PKP3: variants seen among roughly 807,000 people sequenced by gnomAD.
PKP3 encodes plakophilin 3, also known as plakophilin-3.
Under a neutral mutation model 76.5 loss-of-function variants are expected in PKP3, and 66 were observed. The ratio of observed to expected loss-of-function variants is 0.86; its 90% CI spans 0.71 to 1.06. PKP3 has a LOEUF of 1.06. Among genes scored for constraint, PKP3 ranks in the 50% least tolerant of loss-of-function variants. The pLI, the probability that PKP3 is intolerant of heterozygous loss-of-function variation, is 0.00. For synonymous variants in PKP3, 638 were observed against 516.5 expected (o/e 1.24, Z -3.19); for missense variants, 1,338 against 1,141.0 (o/e 1.17, Z -2.49).
At chr11:399,792 G>A (rs1361580940) in intron 5 of PKP3, among the ~76,000 whole-genome samples, 175 bp from the exon 6 acceptor site, 1 of 151,250 alleles carries the variant, frequency 6.6e-6, no homozygotes, top group Non-Finnish European at 1.5e-5. Flanking sequence ...CCTCTTGCTT[G>A]GTCCCAGCTC....
In PKP3 at chr11:395,407, G is replaced by T. The variant is rs572217921; in HGVS notation, c.232+883G>T. Among the ~76,000 whole-genome samples the T allele has an allele frequency of 2.6e-5, 4 of 152,344 alleles. No individual in the cohort carries two copies. In the East Asian group the frequency reaches 7.7e-4, roughly 29 times the overall value. ...TGAAGGTCGCCCAGCGGAGGGGCCG[G>T]CCCGGCGGCCTGGACTGTGGGGTCC... On this transcript the variant is annotated intron_variant, in intron 1 of 12. Coordinates refer to ENST00000331563, the MANE Select transcript of PKP3 (RefSeq NM_007183.4).
intron 4 of PKP3, 137 bp downstream of exon 4, chr11:397,799 C>A: frequency 3.7e-6 from 3 of 816,038 alleles, no homozygotes; most frequent in East Asian, 2.7e-5. Context: ...TGTCTGGAGC[C>A]CCCTCAGCAG....
chr11:397,151 G>A lies in PKP3; in HGVS notation c.650G>A (p.Arg217His), dbSNP rs374950895. The change falls in exon 3 of 13, where the codon CGC becomes CAC. Residue 217 changes from arginine (R) to histidine (H), a missense_variant. Transcript: ENST00000331563. The part of the protein sequence containing the change: ...TSTYRAFAYE[R>H]QASSSSSRAG... ...ACCTACAGGGCCTTTGCGTACGAGC[G>A]CCAGGCCAGCTCCAGCTCCAGCCGG... 5.6e-5 allele frequency: 89 copies of A among 1,597,838 alleles called. No homozygotes were observed. The African/African-American group carries it at 6.8e-4, about 12-fold the overall frequency.
Position 403,977 on chromosome 11 carries a change from G to T in PKP3, c.2112G>T (p.Leu704=). The T allele has an allele frequency of 1.2e-6, 2 of 1,607,840 alleles. No individual in the cohort carries two copies. The highest frequency in any genetic ancestry group is 1.7e-6 in the Non-Finnish European group (2 of 1,176,602). The change falls in exon 11 of 13, where the codon CTG becomes CTT. Residue 704 remains leucine, a synonymous_variant. Transcript: ENST00000331563. The part of the protein sequence containing the change: ...TKVVSHLIEK[L]PGSVGEKSPP... ...TGGTGAGCCACCTGATCGAGAAGCTGCCGGGCAGCGTGGGTGAGAAGTCGC... is the reference window on the plus strand; with the variant it reads ...TGGTGAGCCACCTGATCGAGAAGCTTCCGGGCAGCGTGGGTGAGAAGTCGC...
chr11:398,969 C>T (rs1404276842), intron 4 of PKP3, 23 bp from the exon 5 acceptor site: 1 of 1,522,948 alleles, frequency 6.6e-7, no homozygotes. Context: ...CGTCTGTGCA[C>T]CCCCATATGC....
At chr11:395,894 C>T (rs1006853597) in intron 1 of PKP3, among the ~76,000 whole-genome samples, 8 of 152,222 alleles carry the variant, frequency 5.3e-5, no homozygotes, top group South Asian at 2.1e-4. Context: ...ACCCTGTCGT[C>T]GACGGCTGTC....
chr11:398,864 C>CGTCACCTCCCTACCGCCGCACACACCTGT lies in PKP3; in HGVS notation c.1069-116_1069-115insCCGCCGCACACACCTGTGTCACCTCCCTA. 3 of 765,658 alleles carry CGTCACCTCCCTACCGCCGCACACACCTGT rather than the reference C, an allele frequency of 3.9e-6. No individual in the cohort carries two copies. In the Admixed American group the frequency reaches 7.5e-5, roughly 19 times the overall value. The allele number at this position is 765,658 out of a possible 1,614,324, so 47.4% of individuals were successfully genotyped here. On this transcript the variant is annotated intron_variant, in intron 4 of 12. Coordinates refer to ENST00000331563, the MANE Select transcript of PKP3 (RefSeq NM_007183.4). ...ACCTCCCTACCGCCGCACACACCTC[C>CGTCACCTCCCTACCGCCGCACACACCTGT]GTCACCTCCCTATACGGCTGCATCC... is the stretch of plus-strand genomic sequence containing the variant.
At chr11:399,301 GCCC>G (rs1765792640) in intron 5 of PKP3, 105 bp downstream of exon 5, 3 of 363,232 alleles carry the variant, frequency 8.3e-6, no homozygotes, top group Admixed American at 6.7e-5. Flanking sequence ...CCCACCATCT[GCCC>G]CCCTTCTCCA....
rs111918964 is a variant in PKP3, at chr11:398,043, C to T, written c.1068+381C>T. ...CACACCTGCGTCACCTCCGTACCCC[C>T]GCACACACCTGCGTCACCTCCGTAC... On this transcript the variant is annotated intron_variant, in intron 4 of 12. Transcript: ENST00000331563. Among the ~76,000 whole-genome samples, 446 of 114,810 alleles carry T rather than the reference C, an allele frequency of 3.9e-3. 6 individuals are homozygous for T. The highest frequency in any genetic ancestry group is 0.016 in the African/African-American group (426 of 26,446). The allele number at this position is 114,810 out of a possible 152,430, so 75.3% of individuals were successfully genotyped here. A position where few individuals can be genotyped will look rare whatever the true frequency, so the allele number is the denominator to read the frequency against.
At position 404,315 on chromosome 11, in the gene PKP3, T is replaced by C. The variant is rs771456016; in HGVS notation, c.2350T>C (p.Phe784Leu). The change falls in exon 12 of 13, where the codon TTC (phenylalanine) becomes CTC (leucine). Residue 784 changes from phenylalanine to leucine, a missense_variant. Phe to Leu is a conservative substitution (Grantham distance 22). Coordinates refer to ENST00000331563, the MANE Select transcript of PKP3 (RefSeq NM_007183.4). The surrounding 1 kb of genome is among the most constrained non-coding windows in gnomAD (Gnocchi z 4.2). ...GCAGTACAACAAGCTCCACCGTGAC[T>C]TCCGGGCGGTACGTTTCCCGAGCCC... ...LWQYNKLHRDFRAKGYRKEDF... is the reference protein window; with the variant it reads ...LWQYNKLHRDLRAKGYRKEDF... 4.3e-6 allele frequency: 7 copies of C among 1,612,296 alleles called. No individual in the cohort carries two copies. In the South Asian group the frequency reaches 4.4e-5, roughly 10 times the overall value.
intron 4 of PKP3, among the ~76,000 whole-genome samples, chr11:398,778 G>A (rs1282183818): frequency 3.0e-5 from 3 of 100,930 alleles, no homozygotes; most frequent in African/African-American, 4.5e-5. Context: ...ACACACCTCC[G>A]TCACCTCCGT....
At position 397,103 on chromosome 11, in the gene PKP3, A is replaced by T. The variant is rs1847059753; in HGVS notation, c.602A>T (p.Gln201Leu). The T allele has an allele frequency of 5.6e-6, 9 of 1,597,886 alleles. No homozygotes were observed. Among genetic ancestry groups the T allele is most frequent in the Non-Finnish European group, 6.8e-6 (8 of 1,179,256 alleles). Residue 201 changes from glutamine to leucine, a missense_variant, in exon 3 of 13, where the codon CAG becomes CTG. Transcript: ENST00000331563. ...LDDRYSLVSE[Q>L]LEPAATSTYR... is the part of the protein sequence containing the mutation. ...GACCGCTACAGCCTGGTGTCTGAGC[A>T]GCTGGAGCCCGCGGCCACCTCCACC...
rs764034295 is a variant in PKP3 at position 404,258 on chromosome 11, C to T, written c.2293C>T (p.Arg765Trp). 19 of 1,612,494 alleles carry T rather than the reference C, an allele frequency of 1.2e-5. No individual in the cohort carries two copies. Among genetic ancestry groups the T allele is most frequent in the Admixed American group, 5.0e-5 (3 of 59,992 alleles). The part of the protein sequence containing the change: ...RDSPDSEKSS[R>W]AASSLLANLW... ...CAGCCCCGACAGTGAGAAGTCCTCC[C>T]GGGCAGCATCCAGCCTCCTGGCCAA... Residue 765 changes from arginine (R) to tryptophan (W), a missense_variant, in exon 12 of 13, where the codon CGG (arginine) becomes TGG (tryptophan). Arg to Trp is a moderately radical substitution (Grantham distance 101). Transcript: ENST00000331563. This position sits in a 1 kb window ranked among gnomAD's most constrained non-coding sequence, Gnocchi z 4.2.
chr11:397,671 C>G lies in PKP3; in HGVS notation c.1068+9C>G. The G allele has an allele frequency of 6.2e-7, 1 of 1,608,746 alleles. No homozygotes were observed. The highest frequency in any genetic ancestry group is 8.5e-7 in the Non-Finnish European group (1 of 1,177,496). The stretch of plus-strand genomic sequence containing the variant: ...CAGCCGCCAAGAAGCAGGTGACCAC[C>G]CCGACCACCCACTCGCTGCCCCCTG... On this transcript the variant is annotated intron_variant, in intron 4 of 12. Transcript: ENST00000331563.
At position 400,153 on chromosome 11, in the gene PKP3, TCGGGCA is replaced by T; in HGVS notation, c.1448+13_1448+18del. On this transcript the variant is annotated intron_variant, in intron 6 of 12. Transcript: ENST00000331563. ...ACCGGCTTCCTCAGGTGCGCCAGCC[TCGGGCA>T]GCGGGGTGGGGATTGCAGGCGCGGG... is the stretch of plus-strand genomic sequence containing the variant. The T allele has an allele frequency of 6.5e-7, 1 of 1,532,666 alleles. No homozygotes were observed. Among genetic ancestry groups the T allele is most frequent in the Non-Finnish European group, 8.7e-7 (1 of 1,143,110 alleles). The allele number at this position is 1,532,666 out of a possible 1,614,324, so 94.9% of individuals were successfully genotyped here.
intron 1 of PKP3, among the ~76,000 whole-genome samples, chr11:394,785 G>A (rs1001518770): frequency 1.3e-5 from 2 of 152,224 alleles, no homozygotes; most frequent in African/African-American, 4.8e-5. Flanking sequence ...CATCCCTGTG[G>A]GGGATGACAG....
In PKP3 at chr11:404,565, C is replaced by T. The variant is rs752984078; in HGVS notation, c.2390C>T (p.Pro797Leu). 1.9e-6 allele frequency: 3 copies of T among 1,612,464 alleles called. No homozygotes were observed. The highest frequency in any genetic ancestry group is 1.7e-5 in the Admixed American group (1 of 60,016). The change falls in exon 13 of 13, where the codon CCA becomes CTA. Residue 797 changes from proline to leucine, a missense_variant. Pro to Leu is a moderately conservative substitution (Grantham distance 98). Coordinates refer to ENST00000331563, the MANE Select transcript of PKP3 (RefSeq NM_007183.4). The surrounding 1 kb of genome is among the most constrained non-coding windows in gnomAD (Gnocchi z 4.2). ...TATCGGAAGGAGGACTTCCTGGGCC[C>T]ATAGGTGAAGCCTTCTGGAGGAGAA... ...KGYRKEDFLG[P>L]
intron 1 of PKP3, among the ~76,000 whole-genome samples, chr11:395,228 C>T (rs914024716): frequency 2.0e-5 from 3 of 152,180 alleles, no homozygotes; most frequent in African/African-American, 7.2e-5. Flanking sequence ...AACGCCATTT[C>T]CTCCTTCCCA....
At position 403,244 on chromosome 11, in the gene PKP3, T is replaced by C; in HGVS notation, c.1904T>C (p.Ile635Thr). 6.3e-7 allele frequency: 1 copy of C among 1,582,260 alleles called. No homozygotes were observed. The highest frequency in any genetic ancestry group is 8.6e-7 in the Non-Finnish European group (1 of 1,168,794). The change falls in exon 9 of 13, where the codon ATC becomes ACC. Residue 635 changes from isoleucine (I) to threonine (T), a missense_variant. Physicochemically the swap from Ile to Thr is moderately conservative, Grantham distance 89. Coordinates refer to ENST00000331563, the MANE Select transcript of PKP3 (RefSeq NM_007183.4). ...GCGGCCGCCGGGGCGCTGCAGAACA[T>C]CACGGCAGGCGACCGCAGGGTGGGG... is the stretch of plus-strand genomic sequence containing the variant. ...TEAAAGALQN[I>T]TAGDRRWAGV...
Sources: gnomAD v4.1 joint callset for allele counts (sites outside exome capture counted in the v4.1 genomes callset) on GRCh38, gnomAD v4.1.1 for gene constraint, Gnocchi (gnomAD v3.1) non-coding constraint, MANE v1.5 for transcripts, NCBI Gene and HGNC (gene_info 2026-07-23, HGNC 2026-07-21) for gene names.